The following NPAS3 variants were observed in gnomAD, a reference collection of about 807,000 sequenced individuals.
The protein encoded by NPAS3 is neuronal PAS domain protein 3.
A neutral mutation model predicts 73.1 loss-of-function variants in NPAS3; 14 were observed. The ratio of observed to expected loss-of-function variants is 0.19; its 90% CI spans 0.13 to 0.30. The LOEUF is 0.30. NPAS3 is among the 10% of genes least tolerant of loss of function. The pLI is 1.00. For synonymous variants in NPAS3, 620 were observed against 541.5 expected (o/e 1.14, Z -2.01); for missense variants, 1,096 against 1,250.0 (o/e 0.88, Z 1.86).
intron 2 of NPAS3, among the ~76,000 whole-genome samples, chr14:33,114,662 G>A (rs2043003310): frequency 1.3e-5 from 2 of 152,120 alleles, no homozygotes; most frequent in South Asian, 4.1e-4. Context: ...AGCAATGAGT[G>A]TTTTGAGCAG....
At chr14:33,458,985 GGCTGCT>G (rs2050138136) in intron 4 of NPAS3, among the ~76,000 whole-genome samples, 1 of 152,220 alleles carries the variant, frequency 6.6e-6, no homozygotes, top group African/African-American at 2.4e-5. Flanking sequence ...CAGCCCCAAA[GGCTGCT>G]GGTTGCCCAT....
intron 4 of NPAS3, among the ~76,000 whole-genome samples, chr14:33,534,187 A>G (rs7154051): frequency 0.45 from 67,759 of 149,822 alleles, 17,926 homozygotes; most frequent in African/African-American, 0.76. Flanking sequence ...AATTTCTGCT[A>G]TGTGTGGTAC....
intron 4 of NPAS3, among the ~76,000 whole-genome samples, chr14:33,447,617 G>A (rs1197350285): frequency 6.6e-6 from 1 of 152,108 alleles, no homozygotes; most frequent in African/African-American, 2.4e-5. Context: ...TAGCAGCAGG[G>A]GTGAGAACAG....
chr14:32,950,963 G>T (rs2139139566), intron 1 of NPAS3, among the ~76,000 whole-genome samples: 1 of 152,214 alleles, frequency 6.6e-6, no homozygotes, highest in Middle Eastern at 3.4e-3. Flanking sequence ...AAAAGCAAGA[G>T]TTCCATTACT....
intron 4 of NPAS3, among the ~76,000 whole-genome samples, chr14:33,513,738 GTT>G (rs927240405): frequency 1.3e-5 from 2 of 151,912 alleles, no homozygotes; most frequent in Non-Finnish European, 2.9e-5. Flanking sequence ...ATGGGCAAGT[GTT>G]TTTTTCCTTC....
chr14:32,987,109 CAG>C (rs1462959219), intron 1 of NPAS3, among the ~76,000 whole-genome samples: 10 of 151,970 alleles, frequency 6.6e-5, no homozygotes, highest in Admixed American at 1.3e-4. Context: ...TACCATAGAG[CAG>C]AGAGTATTTT....
chr14:33,548,337 G>A (rs2054943473), intron 4 of NPAS3, among the ~76,000 whole-genome samples: 1 of 152,126 alleles, frequency 6.6e-6, no homozygotes, highest in African/African-American at 2.4e-5. Context: ...AATTATTTTT[G>A]TTCTAACACA....
At chr14:33,334,295 A>G (rs2044117538) in intron 3 of NPAS3, among the ~76,000 whole-genome samples, 2 of 152,182 alleles carry the variant, frequency 1.3e-5, no homozygotes, top group Non-Finnish European at 2.9e-5. Flanking sequence ...TAGTAAATTT[A>G]TAGTTATGCG....
chr14:33,126,994 A>G (rs535277919), intron 2 of NPAS3, among the ~76,000 whole-genome samples: 7 of 152,180 alleles, frequency 4.6e-5, no homozygotes, highest in African/African-American at 1.7e-4. Flanking sequence ...CTGTAGTAGT[A>G]TTATTGAAGC....
chr14:33,731,521 G>A (rs1384543988), intron 6 of NPAS3, among the ~76,000 whole-genome samples: 2 of 151,870 alleles, frequency 1.3e-5, no homozygotes, highest in African/African-American at 4.8e-5. Context: ...AATACTGAAA[G>A]TGTTCCAAAC....
In NPAS3 at chr14:33,788,264, C is replaced by T. The variant is rs986845762; in HGVS notation, c.1154-5633C>T. On this transcript the variant is annotated intron_variant, in intron 9 of 11. Coordinates refer to ENST00000356141, the Ensembl canonical transcript of NPAS3. ...GAAGGCACCTGCTCTCCGTTCTCCGCGGCCACTGACGAAGGTACCTCCAGG... is the reference window on the plus strand; with the variant it reads ...GAAGGCACCTGCTCTCCGTTCTCCGTGGCCACTGACGAAGGTACCTCCAGG... 5.3e-5 allele frequency among the ~76,000 whole-genome samples: 8 copies of T among 152,298 alleles called. No individual in the cohort carries two copies. The South Asian group carries it at 1.0e-3, about 20-fold the overall frequency.
At chr14:33,257,774 C>T (rs1368924696) in intron 3 of NPAS3, among the ~76,000 whole-genome samples, 1 of 152,042 alleles carries the variant, frequency 6.6e-6, no homozygotes, top group Non-Finnish European at 1.5e-5. Flanking sequence ...TTTCCATACC[C>T]CCAAGAATAA....
At chr14:33,526,963 C>G (rs1566973617) in intron 4 of NPAS3, among the ~76,000 whole-genome samples, 2 of 152,074 alleles carry the variant, frequency 1.3e-5, no homozygotes, top group Non-Finnish European at 2.9e-5. Context: ...GTGTTCAGCA[C>G]CTACTATGTA....
At chr14:32,965,255 A>G (rs1292526390) in intron 1 of NPAS3, among the ~76,000 whole-genome samples, 2 of 152,184 alleles carry the variant, frequency 1.3e-5, no homozygotes, top group East Asian at 3.9e-4. Flanking sequence ...CAAAGACACA[A>G]CAAAAAGCAA....
chr14:33,356,743 A>G (rs2045354573), intron 3 of NPAS3, among the ~76,000 whole-genome samples: 1 of 152,192 alleles, frequency 6.6e-6, no homozygotes, highest in African/African-American at 2.4e-5. Context: ...TTGCATATGC[A>G]AAATTTTGTG....
At chr14:33,565,460 A>G (rs2055879274) in intron 5 of NPAS3, among the ~76,000 whole-genome samples, 2 of 152,248 alleles carry the variant, frequency 1.3e-5, no homozygotes, top group Admixed American at 1.3e-4. Flanking sequence ...ACTGGAGGTT[A>G]AAGATGCTTT....
At chr14:33,173,193 GA>G (rs2045461539) in intron 2 of NPAS3, among the ~76,000 whole-genome samples, 1 of 151,950 alleles carries the variant, frequency 6.6e-6, no homozygotes, top group African/African-American at 2.4e-5. Flanking sequence ...TTTTTCTCTT[GA>G]AAAATTACTG....
intron 4 of NPAS3, among the ~76,000 whole-genome samples, chr14:33,402,207 C>T (rs753724265): frequency 6.6e-6 from 1 of 152,024 alleles, no homozygotes; most frequent in Non-Finnish European, 1.5e-5. Context: ...TCAAAAGCAA[C>T]ATTTGCTCAG....
intron 1 of NPAS3, among the ~76,000 whole-genome samples, chr14:33,046,223 C>T (rs527436546): frequency 5.9e-4 from 89 of 152,070 alleles, no homozygotes; most frequent in African/African-American, 2.0e-3. Context: ...CTTATAAGCA[C>T]GTAGAGTGTG....
Sources: allele counts gnomAD v4.1 joint callset (sites outside exome capture counted in the v4.1 genomes callset), GRCh38; gene constraint gnomAD v4.1.1; transcripts MANE v1.5; gene names NCBI Gene and HGNC (gene_info 2026-07-23, HGNC 2026-07-21).